SLC14A2: variants seen among roughly 807,000 people sequenced by gnomAD.
The protein encoded by SLC14A2 is urea transporter 2.
In SLC14A2, 91 loss-of-function variants were observed where a neutral mutation model predicts 104.6. That is an observed-to-expected ratio of 0.87 (90% CI 0.73 to 1.04). SLC14A2 has a LOEUF of 1.04. SLC14A2 is among the 50% of genes least tolerant of loss of function. The probability of loss-of-function intolerance (pLI) is 0.00; values close to 1 mark genes in which losing one functional copy is unlikely to be tolerated. For missense variants in SLC14A2, 1,189 were observed against 1,156.0 expected (o/e 1.03, Z -0.41); for synonymous variants, 476 against 466.4 (o/e 1.02, Z -0.27).
chr18:45,490,216 A>G (rs1285009275), intron 2 of SLC14A2, among the ~76,000 whole-genome samples: 2 of 152,236 alleles, frequency 1.3e-5, no homozygotes, highest in African/African-American at 4.8e-5. Flanking sequence ...CACTGTAGAC[A>G]TCAAAGCACA....
chr18:45,526,605 G>A (rs912413825), intron 2 of SLC14A2, among the ~76,000 whole-genome samples: 1 of 152,156 alleles, frequency 6.6e-6, no homozygotes, highest in Non-Finnish European at 1.5e-5. Flanking sequence ...AGTGATTTTG[G>A]AGTGAACTTG....
intron 17 of SLC14A2, among the ~76,000 whole-genome samples, 154 bp from the exon 18 acceptor site, chr18:45,673,529 T>A (rs568201080): frequency 6.6e-6 from 1 of 152,338 alleles, no homozygotes; most frequent in Admixed American, 6.5e-5. Context: ...TTCCTTTAGA[T>A]GTTTTTTCAC....
chr18:45,379,598 C>T (rs552722532), intron 1 of SLC14A2, among the ~76,000 whole-genome samples: 3 of 152,326 alleles, frequency 2.0e-5, no homozygotes, highest in Admixed American at 1.3e-4. Context: ...CTTTAAAATG[C>T]TCAGTCTGGA....
At chr18:45,292,304 C>T (rs2084878143) in intron 1 of SLC14A2, among the ~76,000 whole-genome samples, 1 of 152,160 alleles carries the variant, frequency 6.6e-6, no homozygotes, top group Non-Finnish European at 1.5e-5. Context: ...ACCTAGGAAT[C>T]TAGTGATCTG....
At chr18:45,284,444 T>C (rs1191404431) in intron 1 of SLC14A2, among the ~76,000 whole-genome samples, 1 of 152,116 alleles carries the variant, frequency 6.6e-6, no homozygotes, top group Non-Finnish European at 1.5e-5. Flanking sequence ...AGGCGCTGTC[T>C]CCTTCATGCT....
rs760425730 is a variant in SLC14A2, at chr18:45,641,235, A to T, written c.1018A>T (p.Thr340Ser). Residue 340 changes from threonine to serine, a missense_variant, in exon 8 of 20, where the codon ACC becomes TCC. Coordinates refer to ENST00000255226, the MANE Select transcript of SLC14A2 (RefSeq NM_007163.4). ...AALSVATPFE[T>S]IYTGLWSYNC... ...CCTGTCAGTGGCCACACCCTTCGAG[A>T]CCATCTACACAGGCCTCTGGAGCTA... 3.1e-6 allele frequency: 5 copies of T among 1,612,908 alleles called. No homozygotes were observed. In the South Asian group the frequency reaches 5.5e-5, roughly 18 times the overall value.
In SLC14A2 at chr18:45,286,860, G is replaced by T. The variant is rs74341664; in HGVS notation, c.-125+73669G>T. ...AAGCATGCATTATTCTAAGACTTTG[G>T]CTCCCCATATGTGAACCTGTAAAAA... On this transcript the variant is annotated intron_variant, in intron 1 of 20. Coordinates refer to the SLC14A2 transcript ENST00000586448. Among the ~76,000 whole-genome samples, 244 of 152,188 alleles carry T rather than the reference G, an allele frequency of 1.6e-3. 5 individuals carry two copies. In the East Asian group the frequency reaches 0.038, roughly 24 times the overall value.
chr18:45,579,442 T>A (rs2144356110), intron 2 of SLC14A2, among the ~76,000 whole-genome samples: 1 of 152,362 alleles, frequency 6.6e-6, no homozygotes, highest in South Asian at 2.1e-4. Flanking sequence ...TGCTCTCAGA[T>A]ACATTCACAT....
intron 1 of SLC14A2, among the ~76,000 whole-genome samples, chr18:45,425,700 C>T (rs1319461813): frequency 6.6e-6 from 1 of 152,184 alleles, no homozygotes; most frequent in Non-Finnish European, 1.5e-5. Context: ...AACGTGGTCT[C>T]TCCTGGAATT....
chr18:45,260,350 G>A (rs2084523128), intron 1 of SLC14A2, among the ~76,000 whole-genome samples: 1 of 152,138 alleles, frequency 6.6e-6, no homozygotes, highest in African/African-American at 2.4e-5. Flanking sequence ...GAAGTAACAG[G>A]AAGAAAGATC....
At chr18:45,664,770 G>A (rs928933827) in intron 11 of SLC14A2, among the ~76,000 whole-genome samples, 8 of 152,206 alleles carry the variant, frequency 5.3e-5, no homozygotes, top group East Asian at 1.9e-4. Context: ...GAAAATACAC[G>A]AGGTGGAGAG....
intron 1 of SLC14A2, among the ~76,000 whole-genome samples, chr18:45,369,361 T>G (rs1186347350): frequency 6.6e-6 from 1 of 152,226 alleles, no homozygotes; most frequent in South Asian, 2.1e-4. Context: ...TTTTTCCAAC[T>G]AATTCACATG....
At chr18:45,186,478 A>G in the SLC14A2 span, among the ~76,000 whole-genome samples, 3 of 152,252 alleles carry the variant, frequency 2.0e-5, no homozygotes, top group African/African-American at 7.2e-5. Flanking sequence ...CCTGAACTAT[A>G]AAACTTATAG....
chr18:45,282,109 T>C (rs1391255496), intron 1 of SLC14A2, among the ~76,000 whole-genome samples: 2 of 152,270 alleles, frequency 1.3e-5, no homozygotes, highest in East Asian at 3.9e-4. Context: ...GTGACATCAC[T>C]GGGCTAATGC....
chr18:45,338,682 C>G (rs986717632), intron 1 of SLC14A2, among the ~76,000 whole-genome samples: 6 of 51,856 alleles, frequency 1.2e-4, no homozygotes, highest in Admixed American at 4.7e-4. Flanking sequence ...CACTGGCTCA[C>G]AAAAAAAAAA....
intron 1 of SLC14A2, among the ~76,000 whole-genome samples, chr18:45,391,631 G>A (rs1056868705): frequency 6.6e-6 from 1 of 152,174 alleles, no homozygotes; most frequent in Non-Finnish European, 1.5e-5. Flanking sequence ...ACTGGTGTGA[G>A]ATGGTATCTC....
At chr18:45,341,676 T>G (rs1279033671) in intron 1 of SLC14A2, among the ~76,000 whole-genome samples, 1 of 135,116 alleles carries the variant, frequency 7.4e-6, no homozygotes, top group Non-Finnish European at 1.5e-5. Flanking sequence ...CCCTGCAACC[T>G]CTGCCTGCTG....
At chr18:45,370,874 T>A (rs2085715673) in intron 1 of SLC14A2, among the ~76,000 whole-genome samples, 1 of 152,108 alleles carries the variant, frequency 6.6e-6, no homozygotes, top group South Asian at 2.1e-4. Context: ...TAATCAGAAA[T>A]TCCTTTCAAT....
At chr18:45,457,640 T>C (rs1028883763) in intron 1 of SLC14A2, among the ~76,000 whole-genome samples, 23 of 151,910 alleles carry the variant, frequency 1.5e-4, no homozygotes, top group African/African-American at 5.6e-4. Flanking sequence ...AGTGACCTGT[T>C]TGGGGACCAG....
Sources: allele counts gnomAD v4.1 joint callset (sites outside exome capture counted in the v4.1 genomes callset), GRCh38; gene constraint gnomAD v4.1.1; transcripts MANE v1.5; gene names NCBI Gene and HGNC (gene_info 2026-07-23, HGNC 2026-07-21).